QTMAN: variants seen among roughly 807,000 people sequenced by gnomAD.
The protein encoded by QTMAN is tRNA-queuosine alpha-mannosyltransferase.
chr2:144,216,458 GAAAGT>G, the QTMAN span, among the ~76,000 whole-genome samples: 8 of 152,300 alleles, frequency 5.3e-5, no homozygotes, highest in African/African-American at 1.9e-4. Context: ...CTTCTGCCTT[GAAAGT>G]AACACTGGTT....
chr2:144,205,364 A>C, the QTMAN span, among the ~76,000 whole-genome samples: 1 of 152,150 alleles, frequency 6.6e-6, no homozygotes, highest in African/African-American at 2.4e-5. Context: ...TTTATAAGTA[A>C]AATTTAAAAT....
At chr2:144,094,713 T>G in the QTMAN span, among the ~76,000 whole-genome samples, 1 of 152,196 alleles carries the variant, frequency 6.6e-6, no homozygotes, top group Non-Finnish European at 1.5e-5. Context: ...AGATTACAGT[T>G]CAAGGTGAGA....
the QTMAN span, among the ~76,000 whole-genome samples, chr2:144,213,225 T>C: frequency 6.6e-6 from 1 of 152,204 alleles, no homozygotes; most frequent in Non-Finnish European, 1.5e-5. Flanking sequence ...GCAATTATTT[T>C]AGACTTGACC....
the QTMAN span, among the ~76,000 whole-genome samples, chr2:144,010,157 T>C: frequency 2.6e-5 from 4 of 151,710 alleles, no homozygotes; most frequent in Non-Finnish European, 5.9e-5. Context: ...ACTCATAAAA[T>C]TCATTTATAT....
chr2:144,077,372 T>G, the QTMAN span, among the ~76,000 whole-genome samples: 1 of 152,186 alleles, frequency 6.6e-6, no homozygotes, highest in East Asian at 1.9e-4. Flanking sequence ...CCACATAAAT[T>G]TCATCTGTGG....
chr2:144,331,576 G>T, the QTMAN span, among the ~76,000 whole-genome samples: 1 of 152,012 alleles, frequency 6.6e-6, no homozygotes, highest in South Asian at 2.1e-4. Flanking sequence ...CGGCCTCAAG[G>T]CATTAACTTA....
the QTMAN span, among the ~76,000 whole-genome samples, chr2:144,039,915 C>A: frequency 1.3e-5 from 2 of 152,186 alleles, no homozygotes; most frequent in African/African-American, 2.4e-5. Context: ...GACAAAATGT[C>A]ATTGAAGCTA....
chr2:143,953,338 TC>T, the QTMAN span, among the ~76,000 whole-genome samples: 1 of 151,890 alleles, frequency 6.6e-6, no homozygotes, highest in African/African-American at 2.4e-5. Flanking sequence ...TGGGGCATTT[TC>T]ATTTTAAGCT....
chr2:144,089,942 G>A, the QTMAN span, among the ~76,000 whole-genome samples: 1 of 151,922 alleles, frequency 6.6e-6, no homozygotes. Flanking sequence ...TCACTACGCA[G>A]TATATACATG....
chr2:144,317,452 A>G, the QTMAN span: 8 of 151,004 alleles, frequency 5.3e-5, no homozygotes, highest in Non-Finnish European at 1.0e-4. Context: ...AAATGAATAC[A>G]GCAATGTATA....
the QTMAN span, among the ~76,000 whole-genome samples, chr2:144,301,873 T>C: frequency 2.4e-4 from 37 of 152,198 alleles, 1 homozygote; most frequent in African/African-American, 4.8e-5. Context: ...TCATGGGTCC[T>C]CAAGAAATAT....
chr2:144,131,717 C>T, the QTMAN span, among the ~76,000 whole-genome samples: 1 of 151,950 alleles, frequency 6.6e-6, no homozygotes, highest in Non-Finnish European at 1.5e-5. Flanking sequence ...CTCACTCTAA[C>T]TCACCTCCAT....
At chr2:144,261,720 A>G in the QTMAN span, among the ~76,000 whole-genome samples, 3 of 152,370 alleles carry the variant, frequency 2.0e-5, no homozygotes, top group African/African-American at 7.2e-5. Context: ...AAGTGCATTT[A>G]GCACCAAAAC....
At chr2:144,107,461 A>G in the QTMAN span, among the ~76,000 whole-genome samples, 8 of 152,372 alleles carry the variant, frequency 5.3e-5, no homozygotes, top group South Asian at 1.7e-3. Context: ...CTACCATCAG[A>G]GAATACTACA....
the QTMAN span, among the ~76,000 whole-genome samples, chr2:144,232,473 T>C: frequency 6.6e-6 from 1 of 152,212 alleles, no homozygotes; most frequent in Admixed American, 6.5e-5. Context: ...AATTCAAACA[T>C]GAGCCACTGT....
chr2:144,157,007 A>G, the QTMAN span, among the ~76,000 whole-genome samples: 1 of 152,114 alleles, frequency 6.6e-6, no homozygotes, highest in Non-Finnish European at 1.5e-5. Context: ...ATCAGTAATA[A>G]AAAGAAAGTC....
At chr2:144,216,040 C>T in the QTMAN span, among the ~76,000 whole-genome samples, 76 of 152,262 alleles carry the variant, frequency 5.0e-4, 1 homozygote, top group East Asian at 0.014. Context: ...CACTTCAATT[C>T]CTTTTCCCCA....
the QTMAN span, among the ~76,000 whole-genome samples, chr2:144,292,929 A>T: frequency 6.6e-6 from 1 of 152,158 alleles, no homozygotes; most frequent in African/African-American, 2.4e-5. Flanking sequence ...ACTCAAACAT[A>T]ACAAATGATC....
the QTMAN span, among the ~76,000 whole-genome samples, chr2:144,132,712 T>C: frequency 6.6e-6 from 1 of 151,378 alleles, no homozygotes; most frequent in Non-Finnish European, 1.5e-5. Context: ...ATTACTAGAG[T>C]TTTCAGAATT....
Sources: gnomAD v4.1 joint callset for allele counts (sites outside exome capture counted in the v4.1 genomes callset) on GRCh38, gnomAD v4.1.1 for gene constraint, MANE v1.5 for transcripts, NCBI Gene and HGNC (gene_info 2026-07-23, HGNC 2026-07-21) for gene names.